The following RALGPS2 variants were observed in gnomAD, a reference collection of about 807,000 sequenced individuals.
RALGPS2 encodes Ral GEF with PH domain and SH3 binding motif 2.
Under a neutral mutation model 86.8 loss-of-function variants are expected in RALGPS2, and 43 were observed. The observed-to-expected ratio is 0.50, with a 90% CI of 0.39 to 0.64. The LOEUF (loss-of-function observed/expected upper bound fraction) is 0.64. Among genes scored for constraint, RALGPS2 ranks in the 30% least tolerant of loss-of-function variants. The pLI, the probability that RALGPS2 is intolerant of heterozygous loss-of-function variation, is 0.00. For synonymous variants in RALGPS2, 243 were observed against 231.3 expected (o/e 1.05, Z -0.46); for missense variants, 536 against 694.6 (o/e 0.77, Z 2.57).
intron 13 of RALGPS2, among the ~76,000 whole-genome samples, chr1:178,887,424 C>T (rs1004032969): frequency 3.3e-5 from 5 of 152,146 alleles, no homozygotes; most frequent in African/African-American, 1.2e-4. Flanking sequence ...CTGCACTACC[C>T]TGCCTGGATC....
At chr1:178,787,447 T>C (rs975210419) in intron 4 of RALGPS2, among the ~76,000 whole-genome samples, 8 of 152,176 alleles carry the variant, frequency 5.3e-5, no homozygotes, top group Non-Finnish European at 1.2e-4. Flanking sequence ...GTGTAAAAAA[T>C]TATTGAGATA....
intron 4 of RALGPS2, among the ~76,000 whole-genome samples, chr1:178,800,942 T>C (rs1654439348): frequency 6.6e-6 from 1 of 152,054 alleles, no homozygotes; most frequent in Non-Finnish European, 1.5e-5. Flanking sequence ...TTTTTTTTTT[T>C]TGAGACAGAA....
intron 19 of RALGPS2, among the ~76,000 whole-genome samples, chr1:178,909,576 T>G (rs1263657559): frequency 1.3e-5 from 2 of 152,074 alleles, no homozygotes; most frequent in African/African-American, 4.8e-5. Flanking sequence ...CATGGAATGC[T>G]TTTCCATTTG....
intron 8 of RALGPS2, among the ~76,000 whole-genome samples, chr1:178,837,419 G>A (rs916673393): frequency 6.6e-6 from 1 of 152,088 alleles, no homozygotes; most frequent in African/African-American, 2.4e-5. Flanking sequence ...TAGTAGTATT[G>A]ACACTGCGGT....
intron 4 of RALGPS2, among the ~76,000 whole-genome samples, chr1:178,806,786 C>G (rs558279877): frequency 1.3e-5 from 2 of 152,164 alleles, no homozygotes; most frequent in African/African-American, 2.4e-5. Context: ...TGCCCTAACT[C>G]TATTTCCTCA....
At chr1:178,869,100 T>A (rs1459896951) in intron 8 of RALGPS2, 4 of 152,084 alleles carry the variant, frequency 2.6e-5, no homozygotes, top group Non-Finnish European at 5.9e-5. Flanking sequence ...ATAAATTAGT[T>A]ATAGAATACT....
chr1:178,906,688 T>C, intron 18 of RALGPS2, 88 bp from the exon 19 acceptor site: 1 of 981,568 alleles, frequency 1.0e-6, no homozygotes, highest in Non-Finnish European at 1.5e-6. Flanking sequence ...ACTCTAGTCA[T>C]GTTTAATTTG....
chr1:178,900,898 G>A (rs1558178548), intron 17 of RALGPS2, among the ~76,000 whole-genome samples: 1 of 151,978 alleles, frequency 6.6e-6, no homozygotes, highest in African/African-American at 2.4e-5. Flanking sequence ...TGTTGCTTGA[G>A]TTACTTTTTA....
chr1:178,738,407 C>T (rs1650842285), intron 1 of RALGPS2, among the ~76,000 whole-genome samples: 1 of 151,914 alleles, frequency 6.6e-6, no homozygotes, highest in African/African-American at 2.4e-5. Flanking sequence ...CAGAGTTTCA[C>T]CATGTTGCCC....
At chr1:178,900,616 A>G (rs1237801785) in intron 17 of RALGPS2, among the ~76,000 whole-genome samples, 1 of 152,040 alleles carries the variant, frequency 6.6e-6, no homozygotes, top group Non-Finnish European at 1.5e-5. Flanking sequence ...AATATTTATG[A>G]CAACAGAAAT....
chr1:178,733,941 C>T (rs1650533457), intron 1 of RALGPS2, among the ~76,000 whole-genome samples: 1 of 152,112 alleles, frequency 6.6e-6, no homozygotes, highest in African/African-American at 2.4e-5. Context: ...AGACAATACA[C>T]AGAATTGGAG....
intron 19 of RALGPS2, among the ~76,000 whole-genome samples, chr1:178,911,633 A>C (rs1660630442): frequency 6.6e-6 from 1 of 152,212 alleles, no homozygotes; most frequent in Non-Finnish European, 1.5e-5. Flanking sequence ...ATGCCCAAGC[A>C]TGTGGTTGAT....
At chr1:178,781,454 T>G (rs948326107) in intron 2 of RALGPS2, among the ~76,000 whole-genome samples, 1 of 152,160 alleles carries the variant, frequency 6.6e-6, no homozygotes, top group African/African-American at 2.4e-5. Flanking sequence ...AGAAGACATT[T>G]AGAAGTTTTT....
At chr1:178,747,808 G>T in intron 1 of RALGPS2, 1 of 666,776 alleles carries the variant, frequency 1.5e-6, no homozygotes, top group South Asian at 1.7e-5. Flanking sequence ...AGACGCTCAG[G>T]CCCTGCACGA....
chr1:178,877,414 T>C, intron 8 of RALGPS2, 84 bp from the exon 9 acceptor site: 1 of 1,562,680 alleles, frequency 6.4e-7, no homozygotes, highest in Non-Finnish European at 8.7e-7. Flanking sequence ...AATATATCTA[T>C]AAACAACCCC....
At chr1:178,910,529 T>C (rs1210901183) in intron 19 of RALGPS2, among the ~76,000 whole-genome samples, 2 of 152,230 alleles carry the variant, frequency 1.3e-5, no homozygotes, top group African/African-American at 4.8e-5. Flanking sequence ...CATATGGTTT[T>C]CTGTTTTTAA....
chr1:178,869,675 G>C (rs1658629397), intron 8 of RALGPS2, among the ~76,000 whole-genome samples: 1 of 152,088 alleles, frequency 6.6e-6, no homozygotes, highest in East Asian at 1.9e-4. Context: ...AAATCTTTAA[G>C]GAAAGGACAC....
rs574706784 is a variant in RALGPS2, at chr1:178,840,029, T to TA, written c.607+6480dup. 9.9e-3 allele frequency among the ~76,000 whole-genome samples: 1,500 copies of TA among 152,234 alleles called. 24 individuals are homozygous for TA. Among genetic ancestry groups the TA allele is most frequent in the African/African-American group, 0.034 (1,430 of 41,534 alleles). ...GTCCTTAGAGACCTACAAAGAGACT[T>TA]AGACTCCCACACAATAATAATGGGA... On this transcript the variant is annotated intron_variant, in intron 8 of 19. Coordinates refer to ENST00000367635, the MANE Select transcript of RALGPS2 (RefSeq NM_152663.5).
intron 7 of RALGPS2, among the ~76,000 whole-genome samples, chr1:178,828,854 C>A (rs1169196346): frequency 6.6e-6 from 1 of 152,118 alleles, no homozygotes; most frequent in African/African-American, 2.4e-5. Context: ...TCATGGAAAA[C>A]AGTATGGAGA....
Sources: gnomAD v4.1 joint callset for allele counts (sites outside exome capture counted in the v4.1 genomes callset) on GRCh38, gnomAD v4.1.1 for gene constraint, MANE v1.5 for transcripts, NCBI Gene and HGNC (gene_info 2026-07-23, HGNC 2026-07-21) for gene names.